Variants in PEBP4 observed in about 807,000 individuals in gnomAD.
The protein encoded by PEBP4 is phosphatidylethanolamine-binding protein 4.
In PEBP4, 22 loss-of-function variants were observed where a neutral mutation model predicts 23.9. The ratio of observed to expected loss-of-function variants is 0.92; its 90% CI spans 0.66 to 1.31. PEBP4 has a LOEUF of 1.31. Ranked by LOEUF, PEBP4 falls within the 40% of genes most tolerant of loss-of-function variation. PEBP4 has a pLI of 0.00. For synonymous variants in PEBP4, 112 were observed against 99.3 expected, an observed-to-expected ratio of 1.13 and a Z score of -0.76; for missense variants, 324 against 281.7, an observed-to-expected ratio of 1.15 and a Z score of -1.07.
chr8:22,720,019 T>C (rs1217457871), intron 6 of PEBP4, among the ~76,000 whole-genome samples: 3 of 152,162 alleles, frequency 2.0e-5, no homozygotes, highest in Non-Finnish European at 4.4e-5. Context: ...GATGTGCATA[T>C]GTGGGTGTGT....
intron 3 of PEBP4, among the ~76,000 whole-genome samples, chr8:22,913,139 C>G (rs964710945): frequency 6.6e-6 from 1 of 152,220 alleles, no homozygotes; most frequent in African/African-American, 2.4e-5. Flanking sequence ...GTGCTCGGCA[C>G]CAAATACAGT....
At chr8:22,810,420 C>A (rs1174879649) in intron 4 of PEBP4, among the ~76,000 whole-genome samples, 2 of 152,132 alleles carry the variant, frequency 1.3e-5, no homozygotes, top group Non-Finnish European at 2.9e-5. Flanking sequence ...TCTCCCTCTC[C>A]CCTCCCCCAC....
intron 3 of PEBP4, among the ~76,000 whole-genome samples, chr8:22,818,487 C>A (rs1029914490): frequency 1.3e-5 from 2 of 152,018 alleles, no homozygotes; most frequent in Non-Finnish European, 2.9e-5. Context: ...CCATTGTGGC[C>A]AGGGACAAGC....
chr8:22,930,350 G>A (rs1809435654), upstream of PEBP4, among the ~76,000 whole-genome samples: 1 of 151,970 alleles, frequency 6.6e-6, no homozygotes, highest in Admixed American at 6.6e-5. Context: ...AACAATTAGA[G>A]CACTTTACTG....
intron 3 of PEBP4, among the ~76,000 whole-genome samples, chr8:22,894,476 G>T (rs1808554916): frequency 6.6e-6 from 1 of 152,172 alleles, no homozygotes; most frequent in Non-Finnish European, 1.5e-5. Flanking sequence ...CAGCTACTCA[G>T]GAGGCTGAGG....
intron 3 of PEBP4, among the ~76,000 whole-genome samples, chr8:22,916,912 A>C (rs1192369103): frequency 6.6e-6 from 1 of 152,222 alleles, no homozygotes; most frequent in African/African-American, 2.4e-5. Context: ...GCACAGAGAA[A>C]GAAAAGATCA....
chr8:22,811,779 G>A (rs1806634065), intron 4 of PEBP4, among the ~76,000 whole-genome samples: 1 of 152,248 alleles, frequency 6.6e-6, no homozygotes, highest in Non-Finnish European at 1.5e-5. Flanking sequence ...GGTCACGTTA[G>A]GTCCTCCAGG....
chr8:22,797,647 T>C (rs1462554033), intron 4 of PEBP4, among the ~76,000 whole-genome samples: 2 of 152,024 alleles, frequency 1.3e-5, no homozygotes, highest in African/African-American at 4.8e-5. Context: ...GGGTGGTCAG[T>C]TGGTGGAGGA....
intron 4 of PEBP4, among the ~76,000 whole-genome samples, chr8:22,794,139 C>T (rs1179628232): frequency 6.6e-6 from 1 of 152,038 alleles, no homozygotes; most frequent in Non-Finnish European, 1.5e-5. Flanking sequence ...TATTCATGTC[C>T]TTTGCTCATT....
At chr8:22,833,042 C>T (rs1807119638) in intron 3 of PEBP4, among the ~76,000 whole-genome samples, 1 of 152,234 alleles carries the variant, frequency 6.6e-6, no homozygotes, top group South Asian at 2.1e-4. Flanking sequence ...TACCCTGTCT[C>T]ACCCATTCCT....
chr8:22,865,054 CACCAGGCGGGG>C lies in PEBP4; in HGVS notation c.259-47330_259-47320del, dbSNP rs1807858046. Among the ~76,000 whole-genome samples the C allele has an allele frequency of 6.6e-6, 1 of 152,128 alleles. No individual in the cohort carries two copies. The highest frequency in any genetic ancestry group is 6.5e-5 in the Admixed American group (1 of 15,288). Reference sequence around the variant, plus strand: ...CAGGCGGCGAGGCCAAGGGGTAGGTCACCAGGCGGGGACCTGCAGGGCCAGACGCCGAGCCC... The same window carrying C: ...CAGGCGGCGAGGCCAAGGGGTAGGTCACCTGCAGGGCCAGACGCCGAGCCC... On this transcript the variant is annotated intron_variant, in intron 3 of 6. Transcript: ENST00000256404. The surrounding 1 kb of genome is among the most constrained non-coding windows in gnomAD (Gnocchi z 6.9).
chr8:22,923,494 G>T (rs1809255388), intron 2 of PEBP4, among the ~76,000 whole-genome samples: 1 of 152,120 alleles, frequency 6.6e-6, no homozygotes, highest in Non-Finnish European at 1.5e-5. Context: ...TTGAGTCTGG[G>T]AGGTCAAGGT....
chr8:22,786,228 C>T lies in PEBP4; in HGVS notation c.357+31409G>A, dbSNP rs1428175496. On this transcript the variant is annotated intron_variant, in intron 4 of 6. Coordinates refer to ENST00000256404, the MANE Select transcript of PEBP4 (RefSeq NM_144962.3). Reference sequence around the variant, plus strand: ...CATTATGTATTCTGGGGCTTGTGTTCCTTGGTTGGGACCTCTGGTAATAGG... The same window carrying T: ...CATTATGTATTCTGGGGCTTGTGTTTCTTGGTTGGGACCTCTGGTAATAGG... Among the ~76,000 whole-genome samples the T allele has an allele frequency of 2.0e-5, 3 of 152,110 alleles. No homozygotes were observed. In the East Asian group the frequency reaches 5.8e-4, roughly 29 times the overall value.
chr8:22,774,346 A>T (rs1229769386), intron 4 of PEBP4, among the ~76,000 whole-genome samples: 1 of 152,236 alleles, frequency 6.6e-6, no homozygotes, highest in Non-Finnish European at 1.5e-5. Flanking sequence ...TTCCTAGAGC[A>T]GCTGCGTTTA....
At chr8:22,741,102 G>A (rs993694809) in intron 4 of PEBP4, among the ~76,000 whole-genome samples, 2 of 152,188 alleles carry the variant, frequency 1.3e-5, no homozygotes, top group Admixed American at 1.3e-4. Flanking sequence ...AGATGAGGGT[G>A]CGGGGCAGCC....
At chr8:22,768,694 T>G (rs1465509025) in intron 4 of PEBP4, among the ~76,000 whole-genome samples, 15 of 87,046 alleles carry the variant, frequency 1.7e-4, no homozygotes, top group Admixed American at 3.6e-4. Context: ...CTGGGGAGGG[T>G]GGCAAGGAGG....
Position 22,744,933 on chromosome 8 carries a change from C to T in PEBP4, c.358-17713G>A, listed in dbSNP as rs117036059. On this transcript the variant is annotated intron_variant, in intron 4 of 6. Transcript: ENST00000256404. ...AGCTCTGGAGAGGTTAATGACTTGC[C>T]GGAGATGGGAGTTCCAATCGGCAGC... Among the ~76,000 whole-genome samples, 92 of 152,204 alleles carry T rather than the reference C, an allele frequency of 6.0e-4. 2 individuals are homozygous for T. In the East Asian group the frequency reaches 0.016, roughly 27 times the overall value.
intron 3 of PEBP4, among the ~76,000 whole-genome samples, chr8:22,912,610 C>A (rs1808963273): frequency 6.6e-6 from 1 of 152,232 alleles, no homozygotes; most frequent in Non-Finnish European, 1.5e-5. Flanking sequence ...AGGGGATAAT[C>A]CCCGCTCTAT....
chr8:22,725,999 A>ATATG (rs1554478538), intron 5 of PEBP4, among the ~76,000 whole-genome samples: 4 of 146,330 alleles, frequency 2.7e-5, no homozygotes, highest in East Asian at 2.0e-4. Context: ...GATCAGATAT[A>ATATG]TGTGTGTGTG....
Sources: allele counts gnomAD v4.1 joint callset (sites outside exome capture counted in the v4.1 genomes callset), GRCh38; gene constraint gnomAD v4.1.1; non-coding constraint Gnocchi (gnomAD v3.1); transcripts MANE v1.5; gene names NCBI Gene and HGNC (gene_info 2026-07-23, HGNC 2026-07-21).